Variants in BMP5 observed in about 807,000 individuals in gnomAD.
The protein encoded by BMP5 is bone morphogenetic protein 5.
In BMP5, 23 loss-of-function variants were observed where a neutral mutation model predicts 46.6. The ratio of observed to expected loss-of-function variants is 0.49; its 90% CI spans 0.35 to 0.70. BMP5 has a LOEUF of 0.70. Among genes scored for constraint, BMP5 ranks in the 30% least tolerant of loss-of-function variants. The pLI, the probability that BMP5 is intolerant of heterozygous loss-of-function variation, is 0.00. For missense variants in BMP5, 545 were observed against 565.6 expected (o/e 0.96, Z 0.37); for synonymous variants, 204 against 191.9 (o/e 1.06, Z -0.52).
intron 3 of BMP5, among the ~76,000 whole-genome samples, chr6:55,781,320 A>C (rs543387194): frequency 1.3e-5 from 2 of 152,244 alleles, no homozygotes; most frequent in East Asian, 1.9e-4. Flanking sequence ...TCTTAAATGA[A>C]AGAATCTTTT....
chr6:55,821,377 G>A (rs549328204), intron 1 of BMP5, among the ~76,000 whole-genome samples: 1 of 152,214 alleles, frequency 6.6e-6, no homozygotes, highest in African/African-American at 2.4e-5. Context: ...ACATTTGGGG[G>A]CATATTTTTT....
chr6:55,869,755 G>A (rs974955952), intron 1 of BMP5, among the ~76,000 whole-genome samples: 1 of 152,300 alleles, frequency 6.6e-6, no homozygotes, highest in East Asian at 1.9e-4. Context: ...AATTACAGGG[G>A]ATGGCAAGAG....
chr6:55,803,164 C>G (rs1241183500), intron 2 of BMP5, among the ~76,000 whole-genome samples: 1 of 144,158 alleles, frequency 6.9e-6, no homozygotes, highest in Admixed American at 7.0e-5. Context: ...GTGGGGGGGG[C>G]AGGCGCCTGT....
chr6:55,812,504 T>C (rs1403259178), intron 2 of BMP5, among the ~76,000 whole-genome samples: 1 of 152,152 alleles, frequency 6.6e-6, no homozygotes, highest in East Asian at 1.9e-4. Context: ...AAAACATCAG[T>C]CCAAATTACT....
intron 1 of BMP5, among the ~76,000 whole-genome samples, chr6:55,830,816 T>C (rs1449345629): frequency 6.6e-6 from 1 of 152,144 alleles, no homozygotes; most frequent in Non-Finnish European, 1.5e-5. Context: ...ATCTACTATC[T>C]CCAGAAATGA....
At chr6:55,783,096 G>T (rs189073164) in intron 3 of BMP5, among the ~76,000 whole-genome samples, 1 of 152,010 alleles carries the variant, frequency 6.6e-6, no homozygotes, top group Admixed American at 6.6e-5. Context: ...TGCTTCTTTC[G>T]TTAAGTTCAG....
intron 3 of BMP5, among the ~76,000 whole-genome samples, chr6:55,783,055 G>A (rs1350723091): frequency 3.3e-5 from 5 of 152,008 alleles, no homozygotes; most frequent in Admixed American, 2.0e-4. Flanking sequence ...AGTGGCATAC[G>A]TATTGTAGTT....
intron 1 of BMP5, among the ~76,000 whole-genome samples, chr6:55,827,620 T>C (rs554123136): frequency 1.3e-5 from 2 of 151,828 alleles, no homozygotes; most frequent in Admixed American, 6.6e-5. Context: ...TTCCGAAGTA[T>C]ACACATAGTT....
At chr6:55,803,073 G>T (rs1775888474) in intron 2 of BMP5, among the ~76,000 whole-genome samples, 1 of 147,588 alleles carries the variant, frequency 6.8e-6, no homozygotes, top group South Asian at 2.1e-4. Context: ...ATTACCCGAG[G>T]TCAGGAGTTC....
chr6:55,768,967 A>G (rs956393616), intron 4 of BMP5, among the ~76,000 whole-genome samples: 3 of 151,960 alleles, frequency 2.0e-5, no homozygotes, highest in African/African-American at 7.2e-5. Context: ...ATCTTTAAAA[A>G]TGTACATACC....
chr6:55,833,184 C>T (rs1307106100), intron 1 of BMP5, among the ~76,000 whole-genome samples: 1 of 152,132 alleles, frequency 6.6e-6, no homozygotes, highest in Non-Finnish European at 1.5e-5. Context: ...TTTCAGTAAT[C>T]TGCATGGCAT....
chr6:55,819,407 C>G (rs553769407), intron 2 of BMP5, among the ~76,000 whole-genome samples: 3 of 152,190 alleles, frequency 2.0e-5, no homozygotes, highest in Middle Eastern at 3.4e-3. Context: ...ACCTAGAAAG[C>G]ACATTTTTAG....
At chr6:55,817,000 C>T (rs543085810) in intron 2 of BMP5, among the ~76,000 whole-genome samples, 12 of 152,156 alleles carry the variant, frequency 7.9e-5, no homozygotes, top group Admixed American at 5.9e-4. Flanking sequence ...ATGAAAAAAA[C>T]GCTCATCATC....
chr6:55,828,611 T>G (rs1346594050), intron 1 of BMP5, among the ~76,000 whole-genome samples: 1 of 151,830 alleles, frequency 6.6e-6, no homozygotes, highest in East Asian at 1.9e-4. Flanking sequence ...AAAATCACAT[T>G]TTTAGTGTAT....
At chr6:55,794,934 C>G (rs2127529245) in intron 2 of BMP5, among the ~76,000 whole-genome samples, 1 of 152,016 alleles carries the variant, frequency 6.6e-6, no homozygotes, top group Admixed American at 6.5e-5. Context: ...TACCAAACAC[C>G]AAGAGAGTAT....
intron 1 of BMP5, among the ~76,000 whole-genome samples, chr6:55,840,057 G>C (rs58686959): frequency 6.6e-6 from 1 of 151,952 alleles, no homozygotes; most frequent in Admixed American, 6.5e-5. Flanking sequence ...ATCACAGTTC[G>C]CCTCTTTATT....
In BMP5 at chr6:55,781,580, C is replaced by G. The variant is rs111542535; in HGVS notation, c.833-7337G>C. Among the ~76,000 whole-genome samples, 1,330 of 150,642 alleles carry G rather than the reference C, an allele frequency of 8.8e-3. 24 individuals are homozygous for G. The highest frequency in any genetic ancestry group is 0.031 in the African/African-American group (1,285 of 41,110). On this transcript the variant is annotated intron_variant, in intron 3 of 6. Coordinates refer to ENST00000370830, the MANE Select transcript of BMP5 (RefSeq NM_021073.4). ...TTACTGAGTATCTAAAGGAGATACT[C>G]TTTTACCAGCTACTATATTATTCCA... is the stretch of plus-strand genomic sequence containing the variant.
At chr6:55,834,439 C>T (rs1442966311) in intron 1 of BMP5, among the ~76,000 whole-genome samples, 1 of 152,092 alleles carries the variant, frequency 6.6e-6, no homozygotes, top group Non-Finnish European at 1.5e-5. Context: ...TGCCTCTTAT[C>T]TCTGACATAG....
intron 2 of BMP5, among the ~76,000 whole-genome samples, chr6:55,801,920 C>A (rs958788992): frequency 6.6e-6 from 1 of 152,226 alleles, no homozygotes. Flanking sequence ...TGCTTCCCAT[C>A]AAAAGGATGG....
Sources: gnomAD v4.1 joint callset for allele counts (sites outside exome capture counted in the v4.1 genomes callset) on GRCh38, gnomAD v4.1.1 for gene constraint, MANE v1.5 for transcripts, NCBI Gene and HGNC (gene_info 2026-07-23, HGNC 2026-07-21) for gene names.